ATG4C: variants seen among roughly 807,000 people sequenced by gnomAD.
ATG4C encodes cysteine protease ATG4C.
In ATG4C, 56 loss-of-function variants were observed where a neutral mutation model predicts 57.6. The observed-to-expected ratio is 0.97, with a 90% CI of 0.78 to 1.21. ATG4C has a LOEUF of 1.21. ATG4C is among the 50% of genes most tolerant of loss of function. The probability of loss-of-function intolerance (pLI) is 0.00; values close to 1 mark genes in which losing one functional copy is unlikely to be tolerated. For missense variants in ATG4C, 595 were observed against 529.8 expected (o/e 1.12, Z -1.21); for synonymous variants, 157 against 174.1 (o/e 0.90, Z 0.78).
intron 1 of ATG4C, among the ~76,000 whole-genome samples, chr1:62,795,588 A>G (rs1167004904): frequency 1.3e-5 from 2 of 152,210 alleles, no homozygotes; most frequent in African/African-American, 4.8e-5. Flanking sequence ...AATGTTAACA[A>G]TGCACAGAAA....
chr1:62,808,869 T>G lies in ATG4C; in HGVS notation c.160+3614T>G, dbSNP rs919717664. 5.9e-4 allele frequency among the ~76,000 whole-genome samples: 90 copies of G among 152,208 alleles called. 1 individual carries two copies. The highest frequency in any genetic ancestry group is 2.2e-4 in the Non-Finnish European group (15 of 68,040). ...CTATTTGCTGTGGCTACATGATATGTGCTAAAACTAAATTGCATTGTTTTA... is the reference window on the plus strand; with the variant it reads ...CTATTTGCTGTGGCTACATGATATGGGCTAAAACTAAATTGCATTGTTTTA... On this transcript the variant is annotated intron_variant, in intron 3 of 10. Coordinates refer to ENST00000317868, the MANE Select transcript of ATG4C (RefSeq NM_032852.4).
chr1:62,833,965 T>A, intron 7 of ATG4C, 73 bp from the exon 8 acceptor site: 1 of 1,266,486 alleles, frequency 7.9e-7, no homozygotes, highest in African/African-American at 1.5e-5. Context: ...CTAATATTAG[T>A]AATAGAAATT....
intron 9 of ATG4C, among the ~76,000 whole-genome samples, chr1:62,839,785 A>C (rs768122929): frequency 8.5e-5 from 13 of 152,216 alleles, no homozygotes; most frequent in Non-Finnish European, 1.8e-4. Context: ...GTTGAATCTC[A>C]GTATATAAAG....
At chr1:62,795,847 AAGAAG>A (rs1485474466) in intron 1 of ATG4C, among the ~76,000 whole-genome samples, 1 of 152,016 alleles carries the variant, frequency 6.6e-6, no homozygotes, top group Non-Finnish European at 1.5e-5. Context: ...AAAAAAAAAA[AAGAAG>A]AGAAGATTTA....
At chr1:62,823,134 A>G (rs1319932678) in intron 6 of ATG4C, among the ~76,000 whole-genome samples, 1 of 152,236 alleles carries the variant, frequency 6.6e-6, no homozygotes, top group Non-Finnish European at 1.5e-5. Flanking sequence ...CAGCCTGGGC[A>G]ACAGAGTGAG....
At chr1:62,816,554 G>T in intron 3 of ATG4C, 21 bp from the exon 4 acceptor site, 2 of 1,554,236 alleles carry the variant, frequency 1.3e-6, no homozygotes, top group South Asian at 1.2e-5. Flanking sequence ...GTTATCTTTA[G>T]ACCGTATGTT....
At chr1:62,832,468 G>A (rs753910857) in intron 7 of ATG4C, among the ~76,000 whole-genome samples, 20 of 152,190 alleles carry the variant, frequency 1.3e-4, no homozygotes, top group Non-Finnish European at 1.5e-4. Flanking sequence ...CAGAAGGGCC[G>A]AAAGAGGGCG....
At chr1:62,854,468 G>T (rs1332728028) in intron 10 of ATG4C, among the ~76,000 whole-genome samples, 2 of 151,646 alleles carry the variant, frequency 1.3e-5, no homozygotes, top group African/African-American at 4.8e-5. Flanking sequence ...TAGTAGAGAC[G>T]GGGTTTCACC....
At position 62,864,351 on chromosome 1, in the gene ATG4C, A is replaced by G. The variant is rs1666943006; in HGVS notation, c.*192A>G. 2.2e-6 allele frequency: 1 copy of G among 453,924 alleles called. No homozygotes were observed. The allele number at this position is 453,924 out of a possible 1,614,324, so 28.1% of individuals were successfully genotyped here. On this transcript the variant is annotated 3_prime_UTR_variant, in exon 11 of 11. Coordinates refer to ENST00000317868, the MANE Select transcript of ATG4C (RefSeq NM_032852.4). ...AATGATTTAATGAATCTTGCTTTCT[A>G]ATAAATAAATTGAGTGATTCTGGTT... is the stretch of plus-strand genomic sequence containing the variant.
intron 10 of ATG4C, among the ~76,000 whole-genome samples, chr1:62,858,583 T>G (rs1371635986): frequency 6.6e-6 from 1 of 152,020 alleles, no homozygotes; most frequent in African/African-American, 2.4e-5. Context: ...TGGAAATAAG[T>G]AGAATCAATG....
chr1:62,816,824 GT>G lies in ATG4C; in HGVS notation c.394+21del. 6.1e-6 allele frequency: 9 copies of G among 1,478,410 alleles called. No individual in the cohort carries two copies. The highest frequency in any genetic ancestry group is 8.1e-6 in the Non-Finnish European group (9 of 1,106,340). 91.6% of individuals were successfully genotyped at this position (1,478,410 alleles called of 1,614,324 possible). ...CTTGGTAGAGGTAAATCAAATTTCT[GT>G]TTTTGTTTTGTTTTGTTTTGTTTTT... On this transcript the variant is annotated intron_variant, in intron 4 of 10. Coordinates refer to ENST00000317868, the MANE Select transcript of ATG4C (RefSeq NM_032852.4).
chr1:62,860,281 G>A (rs1453231294), intron 10 of ATG4C, among the ~76,000 whole-genome samples: 1 of 152,030 alleles, frequency 6.6e-6, no homozygotes, highest in Admixed American at 6.5e-5. Flanking sequence ...CTGTTCTACA[G>A]GTAATTTCTT....
chr1:62,833,041 A>C (rs1344529138), intron 7 of ATG4C, among the ~76,000 whole-genome samples: 1 of 151,996 alleles, frequency 6.6e-6, no homozygotes, highest in Non-Finnish European at 1.5e-5. Flanking sequence ...TGGGTGTTGG[A>C]ATTTGGGAAA....
chr1:62,857,576 C>A (rs1666723953), intron 10 of ATG4C, among the ~76,000 whole-genome samples: 1 of 152,046 alleles, frequency 6.6e-6, no homozygotes, highest in Admixed American at 6.6e-5. Context: ...TCCATCCCCA[C>A]CCCCCCAGTC....
intron 3 of ATG4C, among the ~76,000 whole-genome samples, chr1:62,807,160 G>A (rs1267706194): frequency 2.0e-5 from 3 of 152,112 alleles, no homozygotes; most frequent in Admixed American, 1.3e-4. Context: ...TGAAATCATA[G>A]GAATTATATA....
At chr1:62,792,925 C>T (rs963717857) in intron 1 of ATG4C, among the ~76,000 whole-genome samples, 2 of 149,908 alleles carry the variant, frequency 1.3e-5, no homozygotes, top group African/African-American at 2.5e-5. Context: ...CCTGCTCAGT[C>T]GCCCAGGCTG....
At chr1:62,787,640 G>T (rs1353084246) in intron 1 of ATG4C, among the ~76,000 whole-genome samples, 1 of 152,054 alleles carries the variant, frequency 6.6e-6, no homozygotes, top group Non-Finnish European at 1.5e-5. Context: ...AGACTTTGGT[G>T]TCAGACTGCC....
chr1:62,861,287 T>C (rs938046338), intron 10 of ATG4C, among the ~76,000 whole-genome samples: 1 of 152,176 alleles, frequency 6.6e-6, no homozygotes, highest in African/African-American at 2.4e-5. Flanking sequence ...GACTCATGCC[T>C]GTAATCCCAA....
chr1:62,784,831 C>T (rs1439677882), intron 1 of ATG4C, among the ~76,000 whole-genome samples: 3 of 152,140 alleles, frequency 2.0e-5, no homozygotes, highest in African/African-American at 7.2e-5. Flanking sequence ...CGTGAACTCT[C>T]CCAACCCTAC....
Sources: gnomAD v4.1 joint callset for allele counts (sites outside exome capture counted in the v4.1 genomes callset) on GRCh38, gnomAD v4.1.1 for gene constraint, MANE v1.5 for transcripts, NCBI Gene and HGNC (gene_info 2026-07-23, HGNC 2026-07-21) for gene names.